Variants in EEA1 observed in about 807,000 individuals in gnomAD.
EEA1 encodes early endosome antigen 1, 162kD.
Under a neutral mutation model 209.2 loss-of-function variants are expected in EEA1, and 111 were observed. The observed-to-expected ratio is 0.53, with a 90% confidence interval of 0.45 to 0.62. The LOEUF is 0.62. Ranked by LOEUF, EEA1 falls within the 20% of genes least tolerant of loss-of-function variation. The pLI is 0.00. For synonymous variants in EEA1, 536 were observed against 540.6 expected, an observed-to-expected ratio of 0.99 and a Z score of 0.12; for missense variants, 1,343 against 1,530.8, an observed-to-expected ratio of 0.88 and a Z score of 2.05.
At chr12:92,850,689 C>CAAAAA (rs11323932) in intron 9 of EEA1, among the ~76,000 whole-genome samples, 13 of 46,904 alleles carry the variant, frequency 2.8e-4, no homozygotes, top group South Asian at 1.3e-3. Flanking sequence ...GACTTTGTCT[C>CAAAAA]AAAAAAAAAA....
At chr12:92,882,268 T>C (rs1419122810) in intron 2 of EEA1, among the ~76,000 whole-genome samples, 1 of 151,948 alleles carries the variant, frequency 6.6e-6, no homozygotes, top group African/African-American at 2.4e-5. Flanking sequence ...CCACCATGAC[T>C]GGCTAATTTT....
chr12:92,841,283 CCCTTA>C (rs372139190), intron 10 of EEA1, among the ~76,000 whole-genome samples: 320 of 152,118 alleles, frequency 2.1e-3, no homozygotes, highest in African/African-American at 7.5e-3. Context: ...TAAAATTAGA[CCCTTA>C]CCTTATACTA....
Position 92,829,860 on chromosome 12 carries a change from C to T in EEA1, c.1255-1799G>A, listed in dbSNP as rs758944210. Among the ~76,000 whole-genome samples the T allele has an allele frequency of 6.6e-5, 10 of 150,584 alleles. No individual in the cohort carries two copies. The East Asian group carries it at 9.7e-4, about 15-fold the overall frequency. On this transcript the variant is annotated intron_variant, in intron 11 of 28. Transcript: ENST00000322349. ...ATGAGTAAGAGATGGTCTTTGCACCCGAAGAGTTCAGAGTCTATTAAAGAA... is the reference window on the plus strand; with the variant it reads ...ATGAGTAAGAGATGGTCTTTGCACCTGAAGAGTTCAGAGTCTATTAAAGAA...
chr12:92,891,770 A>G, intron 1 of EEA1, 49 bp from the exon 2 acceptor site: 1 of 1,320,464 alleles, frequency 7.6e-7, no homozygotes, highest in Non-Finnish European at 1.1e-6. Context: ...AGACATTAAC[A>G]ATATATTCAT....
chr12:92,867,817 A>G (rs1449398529), intron 2 of EEA1, among the ~76,000 whole-genome samples: 2 of 152,052 alleles, frequency 1.3e-5, no homozygotes, highest in Admixed American at 6.6e-5. Flanking sequence ...CATATTATAT[A>G]TGTGTCTCAT....
chr12:92,843,439 C>T (rs1877258826), intron 9 of EEA1, among the ~76,000 whole-genome samples: 1 of 152,150 alleles, frequency 6.6e-6, no homozygotes. Context: ...CCATGAGCCA[C>T]TGAGCCCAGC....
intron 2 of EEA1, among the ~76,000 whole-genome samples, chr12:92,888,839 T>C (rs1170417930): frequency 6.6e-6 from 1 of 152,046 alleles, no homozygotes; most frequent in Non-Finnish European, 1.5e-5. Flanking sequence ...ATGTTAGACA[T>C]TATGTATGTT....
intron 13 of EEA1, chr12:92,820,999 C>T (rs994496003): frequency 2.6e-5 from 4 of 152,024 alleles, no homozygotes; most frequent in Non-Finnish European, 4.4e-5. Flanking sequence ...GGGAGTATGC[C>T]ATTTACTTAT....
intron 13 of EEA1, among the ~76,000 whole-genome samples, 174 bp downstream of exon 13, chr12:92,825,992 T>C (rs1258908509): frequency 6.6e-6 from 1 of 151,884 alleles, no homozygotes; most frequent in Non-Finnish European, 1.5e-5. Context: ...AATTTTCTGA[T>C]TATCCAGACT....
At position 92,780,372 on chromosome 12, in the gene EEA1, A is replaced by G; in HGVS notation, c.3376T>C (p.Leu1126=). The G allele has an allele frequency of 9.5e-6, 15 of 1,581,378 alleles. No individual in the cohort carries two copies. Among genetic ancestry groups the G allele is most frequent in the Non-Finnish European group, 1.3e-5 (15 of 1,159,776 alleles). ...EKELVNEKSK[L]AEIEEIKCRQ... Reference sequence around the variant, plus strand: ...CATTTAATTTCTTCTATCTCTGCCAATTTAGACTTCTCATTTACCAGTTCT... The same window carrying G: ...CATTTAATTTCTTCTATCTCTGCCAGTTTAGACTTCTCATTTACCAGTTCT... The change falls in exon 24 of 29, where the codon TTG becomes CTG. Residue 1126 remains leucine (L), a synonymous_variant. Transcript: ENST00000322349.
At chr12:92,789,267 G>C (rs1874280456) in intron 21 of EEA1, among the ~76,000 whole-genome samples, 1 of 141,044 alleles carries the variant, frequency 7.1e-6, no homozygotes, top group African/African-American at 2.7e-5. Flanking sequence ...TCCATCCTGG[G>C]CAACAGAGAG....
intron 16 of EEA1, among the ~76,000 whole-genome samples, chr12:92,812,728 G>T (rs1056859446): frequency 1.1e-4 from 16 of 152,122 alleles, no homozygotes; most frequent in African/African-American, 3.9e-4. Context: ...TAGGCTAGGG[G>T]AGAAGGACAA....
At chr12:92,887,338 C>A (rs1254651003) in intron 2 of EEA1, among the ~76,000 whole-genome samples, 1 of 12,270 alleles carries the variant, frequency 8.1e-5, no homozygotes, top group East Asian at 0.17. Flanking sequence ...AAAACTAAAA[C>A]TTAAAAATTT....
intron 20 of EEA1, among the ~76,000 whole-genome samples, chr12:92,800,573 CAG>C (rs1189119725): frequency 2.6e-5 from 4 of 152,106 alleles, no homozygotes; most frequent in Non-Finnish European, 4.4e-5. Flanking sequence ...AAACAGGAGT[CAG>C]AGAGTATGAC....
chr12:92,840,602 G>A lies in EEA1; in HGVS notation c.915+1863C>T, dbSNP rs565241696. Among the ~76,000 whole-genome samples the A allele has an allele frequency of 1.5e-4, 23 of 152,286 alleles. No individual in the cohort carries two copies. The South Asian group carries it at 2.3e-3, about 15-fold the overall frequency. On this transcript the variant is annotated intron_variant, in intron 10 of 28. Coordinates refer to ENST00000322349, the MANE Select transcript of EEA1 (RefSeq NM_003566.4). Reference sequence around the variant, plus strand: ...GCTGGGATTACAGGCGTGAGCCACCGCACCTGGCCAATGTTGCTCATTTAT... The same window carrying A: ...GCTGGGATTACAGGCGTGAGCCACCACACCTGGCCAATGTTGCTCATTTAT...
intron 9 of EEA1, among the ~76,000 whole-genome samples, chr12:92,847,940 T>A (rs1334776455): frequency 6.6e-6 from 1 of 152,074 alleles, no homozygotes; most frequent in Non-Finnish European, 1.5e-5. Flanking sequence ...AATAATAATA[T>A]TATTCTGACT....
chr12:92,802,375 A>T (rs1422320512), intron 19 of EEA1, 29 bp downstream of exon 19: 1 of 1,521,256 alleles, frequency 6.6e-7, no homozygotes, highest in Non-Finnish European at 8.8e-7. Context: ...AATCACTTCT[A>T]CCTAAGAAAG....
chr12:92,811,553 T>A (rs941585317), intron 16 of EEA1, 119 bp from the exon 17 acceptor site: 33 of 608,500 alleles, frequency 5.4e-5, no homozygotes, highest in Non-Finnish European at 7.3e-5. Flanking sequence ...GAGTAAGAGC[T>A]CAGATAAATC....
chr12:92,807,192 G>A (rs920779080), intron 18 of EEA1, among the ~76,000 whole-genome samples: 1 of 152,016 alleles, frequency 6.6e-6, no homozygotes, highest in African/African-American at 2.4e-5. Context: ...GACTTCAGAT[G>A]ATCTGCCTGC....
Sources: gnomAD v4.1 joint callset for allele counts (sites outside exome capture counted in the v4.1 genomes callset) on GRCh38, gnomAD v4.1.1 for gene constraint, MANE v1.5 for transcripts, NCBI Gene and HGNC (gene_info 2026-07-23, HGNC 2026-07-21) for gene names.